Variants in SLC7A1 observed in about 807,000 individuals in gnomAD.
SLC7A1 encodes solute carrier family 7 member 1, also known as high affinity cationic amino acid transporter 1.
SLC7A1 carries 10 observed loss-of-function variants against 53.9 expected under a neutral mutation model. The ratio of observed to expected loss-of-function variants is 0.19; its 90% CI spans 0.11 to 0.31. The LOEUF (loss-of-function observed/expected upper bound fraction) is 0.31. SLC7A1 is among the 10% of genes least tolerant of loss of function. SLC7A1 has a pLI of 1.00. For missense variants in SLC7A1, 525 were observed against 827.2 expected (o/e 0.63, Z 4.48); for synonymous variants, 342 against 338.7 (o/e 1.01, Z -0.11).
At chr13:29,545,838 G>A (rs1308101935) in intron 2 of SLC7A1, among the ~76,000 whole-genome samples, 1 of 152,170 alleles carries the variant, frequency 6.6e-6, no homozygotes, top group Non-Finnish European at 1.5e-5. Flanking sequence ...AGAAGCCAGT[G>A]GAAAAGCTAT....
intron 1 of SLC7A1, among the ~76,000 whole-genome samples, chr13:29,581,104 A>C (rs181557734): frequency 9.0e-4 from 137 of 152,314 alleles, no homozygotes; most frequent in African/African-American, 3.2e-3. Context: ...TAGCCTTCTA[A>C]GGGAGTTTAT....
intron 1 of SLC7A1, among the ~76,000 whole-genome samples, chr13:29,580,575 T>C (rs1176004883): frequency 6.6e-6 from 1 of 152,220 alleles, no homozygotes; most frequent in African/African-American, 2.4e-5. Flanking sequence ...CTCACGTGGC[T>C]GCTTCACTAA....
In SLC7A1 at chr13:29,587,156, C is replaced by T. The variant is rs577141768; in HGVS notation, c.-115+8260G>A. On this transcript the variant is annotated intron_variant, in intron 1 of 12. Coordinates refer to ENST00000380752, the MANE Select transcript of SLC7A1 (RefSeq NM_003045.5). ...CATTTTCACACATAACATAGACTTA[C>T]AGCTCAGGGAAACTGAGGTACAAAT... Among the ~76,000 whole-genome samples, 12 of 152,336 alleles carry T rather than the reference C, an allele frequency of 7.9e-5. No homozygotes were observed. The South Asian group carries it at 2.5e-3, about 32-fold the overall frequency.
chr13:29,545,185 T>C (rs925645185), intron 2 of SLC7A1, among the ~76,000 whole-genome samples: 7 of 152,162 alleles, frequency 4.6e-5, no homozygotes, highest in African/African-American at 1.7e-4. Flanking sequence ...AATTTGTTTC[T>C]CTAAATGAAT....
intron 2 of SLC7A1, among the ~76,000 whole-genome samples, chr13:29,544,021 C>G (rs1014423981): frequency 1.2e-4 from 19 of 152,176 alleles, no homozygotes; most frequent in African/African-American, 4.6e-4. Context: ...ACCACAGCAT[C>G]GGGCCTCAGC....
intron 2 of SLC7A1, among the ~76,000 whole-genome samples, chr13:29,545,183 T>C (rs1287930056): frequency 6.6e-6 from 1 of 152,148 alleles, no homozygotes; most frequent in Non-Finnish European, 1.5e-5. Context: ...TAAATTTGTT[T>C]CTCTAAATGA....
At chr13:29,516,431 A>C (rs1566251723) in intron 11 of SLC7A1, among the ~76,000 whole-genome samples, 185 bp from the exon 12 acceptor site, 1 of 152,168 alleles carries the variant, frequency 6.6e-6, no homozygotes, top group East Asian at 1.9e-4. Flanking sequence ...AAACACACAC[A>C]CAAACACACC....
At chr13:29,555,821 G>A (rs1403098478) in intron 1 of SLC7A1, among the ~76,000 whole-genome samples, 2 of 152,160 alleles carry the variant, frequency 1.3e-5, no homozygotes, top group Non-Finnish European at 2.9e-5. Flanking sequence ...ATTTTCTGAT[G>A]ACACTGGGGG....
intron 1 of SLC7A1, among the ~76,000 whole-genome samples, chr13:29,579,751 G>A (rs900385064): frequency 3.3e-5 from 5 of 152,124 alleles, no homozygotes; most frequent in East Asian, 1.9e-4. Flanking sequence ...AAGTTCCTCC[G>A]GAGTATTCCT....
rs1308715262 is a variant in SLC7A1, at chr13:29,512,613, A to C, written c.*1867T>G. ...CAGGTCCTAAGACAAGAGACAACCA[A>C]AACCCCAACAAAATAAGTTAGTATT... On this transcript the variant is annotated 3_prime_UTR_variant, in exon 13 of 13. Coordinates refer to ENST00000380752, the MANE Select transcript of SLC7A1 (RefSeq NM_003045.5). 1 of 152,250 alleles carries C rather than the reference A, an allele frequency of 6.6e-6. No homozygotes were observed. The highest frequency in any genetic ancestry group is 1.9e-4 in the East Asian group (1 of 5,198). The allele number at this position is 152,250 out of a possible 1,614,324, so 9.4% of individuals were successfully genotyped here.
At position 29,509,582 on chromosome 13, in the gene SLC7A1, A is replaced by G. The variant is rs1393087798; in HGVS notation, c.*4898T>C. On this transcript the variant is annotated 3_prime_UTR_variant, in exon 13 of 13. Coordinates refer to ENST00000380752, the MANE Select transcript of SLC7A1 (RefSeq NM_003045.5). ...ATTTTTTGAAAGGTGGTGGACGACA[A>G]CTACACTTGTCCTTAAAGTAAAATA... is the stretch of plus-strand genomic sequence containing the variant. 6.6e-6 allele frequency: 1 copy of G among 152,662 alleles called. No individual in the cohort carries two copies. The highest frequency in any genetic ancestry group is 2.4e-5 in the African/African-American group (1 of 41,456). 9.5% of individuals were successfully genotyped at this position (152,662 alleles called of 1,614,324 possible).
chr13:29,567,732 C>G (rs556136234), intron 1 of SLC7A1, among the ~76,000 whole-genome samples: 1 of 152,138 alleles, frequency 6.6e-6, no homozygotes, highest in East Asian at 1.9e-4. Flanking sequence ...AAATAAGTCT[C>G]GGGTGTGGCC....
chr13:29,590,681 C>G (rs538616953), intron 1 of SLC7A1, among the ~76,000 whole-genome samples: 1 of 152,280 alleles, frequency 6.6e-6, no homozygotes, highest in South Asian at 2.1e-4. Flanking sequence ...GCCTCAGAGG[C>G]CCGCATCCCT....
chr13:29,575,276 C>T (rs149377958), intron 1 of SLC7A1, among the ~76,000 whole-genome samples: 1,620 of 152,280 alleles, frequency 0.011, 11 homozygotes, highest in Non-Finnish European at 0.017. Flanking sequence ...TTATTCTACC[C>T]GGTGCCAATT....
chr13:29,590,113 G>C (rs1207897499), intron 1 of SLC7A1, among the ~76,000 whole-genome samples: 1 of 152,160 alleles, frequency 6.6e-6, no homozygotes, highest in Non-Finnish European at 1.5e-5. Flanking sequence ...ATCAACTCCA[G>C]CCACTTTGTG....
At position 29,588,686 on chromosome 13, in the gene SLC7A1, G is replaced by A. The variant is rs575128863; in HGVS notation, c.-115+6730C>T. On this transcript the variant is annotated intron_variant, in intron 1 of 12. Transcript: ENST00000380752. ...CACCAGGCTAACTTTTGTATTTTTCGTAGACATGAGTTTCACCATGTTGGC... is the reference window on the plus strand; with the variant it reads ...CACCAGGCTAACTTTTGTATTTTTCATAGACATGAGTTTCACCATGTTGGC... Among the ~76,000 whole-genome samples, 6 of 151,938 alleles carry A rather than the reference G, an allele frequency of 3.9e-5. No individual in the cohort carries two copies. The East Asian group carries it at 5.8e-4, about 15-fold the overall frequency.
At position 29,562,442 on chromosome 13, in the gene SLC7A1, G is replaced by C. The variant is rs79575161; in HGVS notation, c.-114-8582C>G. ...TTGAGCACCAACATGATGCTCAAAG[G>C]AAACGCTCGCTGGAGCATTTTCAGT... On this transcript the variant is annotated intron_variant, in intron 1 of 12. Transcript: ENST00000380752. Among the ~76,000 whole-genome samples the C allele has an allele frequency of 5.5e-3, 841 of 152,250 alleles. 7 individuals are homozygous for C. Among genetic ancestry groups the C allele is most frequent in the African/African-American group, 0.019 (790 of 41,542 alleles).
Position 29,514,338 on chromosome 13 carries a change from G to T in SLC7A1, c.*142C>A. On this transcript the variant is annotated 3_prime_UTR_variant, in exon 13 of 13. Transcript: ENST00000380752. ...AGCCGAGGGTGGGCTGGGGCTGCAG[G>T]TCAAGTAATTGCACCTTTGGCTGCA... 1 of 634,312 alleles carries T rather than the reference G, an allele frequency of 1.6e-6. No homozygotes were observed. Among genetic ancestry groups the T allele is most frequent in the Non-Finnish European group, 2.8e-6 (1 of 355,588 alleles). The allele number at this position is 634,312 out of a possible 1,614,324, so 39.3% of individuals were successfully genotyped here.
chr13:29,519,448 G>A lies in SLC7A1; in HGVS notation c.1291C>T (p.Arg431Trp), dbSNP rs1593539859. Residue 431 changes from arginine to tryptophan, a missense_variant and splice_region_variant, in exon 9 of 13, where the codon CGG becomes TGG. Transcript: ENST00000380752. The part of the protein sequence containing the change: ...SLVAACVLVL[R>W]YQPEQPNLVY... ...GAGACCCCCAAAAGCCATACATACC[G>A]TAAGACCAACACACAGGCAGCCACC... 1.3e-6 allele frequency: 2 copies of A among 1,598,296 alleles called. No homozygotes were observed. The highest frequency in any genetic ancestry group is 1.7e-6 in the Non-Finnish European group (2 of 1,165,872).
Sources: allele counts gnomAD v4.1 joint callset (sites outside exome capture counted in the v4.1 genomes callset), GRCh38; gene constraint gnomAD v4.1.1; transcripts MANE v1.5; gene names NCBI Gene and HGNC (gene_info 2026-07-23, HGNC 2026-07-21).